CD99L2: variants seen among roughly 807,000 people sequenced by gnomAD.
The protein encoded by CD99L2 is CD99 antigen-like protein 2.
CD99L2 carries 24 observed loss-of-function variants against 27.3 expected under a neutral mutation model. The ratio of observed to expected loss-of-function variants is 0.88; its 90% CI spans 0.64 to 1.24. CD99L2 has a LOEUF of 1.24. Among genes scored for constraint, CD99L2 ranks in the 50% most tolerant of loss-of-function variants. CD99L2 has a pLI of 0.00. For missense variants in CD99L2, 255 were observed against 221.6 expected, an observed-to-expected ratio of 1.15 and a Z score of -0.96; for synonymous variants, 97 against 87.9, an observed-to-expected ratio of 1.10 and a Z score of -0.58.
At chrX:150,848,119 C>CG (rs1485067879) in intron 1 of CD99L2, among the ~76,000 whole-genome samples, 9 of 107,339 alleles carry the variant, frequency 8.4e-5, no homozygotes, top group Non-Finnish European at 1.2e-4. Context: ...AGGCCCCCCC[C>CG]CCCTTGTACT....
chrX:150,862,665 T>C (rs1557421934), intron 1 of CD99L2, among the ~76,000 whole-genome samples: 3 of 111,720 alleles, frequency 2.7e-5, no homozygotes, highest in Non-Finnish European at 1.9e-5. Context: ...TCTATGTATG[T>C]GTTAATCTGT....
chrX:150,890,411 G>C (rs1215244550), intron 1 of CD99L2, among the ~76,000 whole-genome samples: 2 of 111,663 alleles, frequency 1.8e-5, no homozygotes, highest in East Asian at 5.6e-4. Flanking sequence ...CCCGGGAGGC[G>C]GAGGTTGCAG....
chrX:150,868,551 T>C (rs1298481000), intron 1 of CD99L2, among the ~76,000 whole-genome samples: 1 of 112,087 alleles, frequency 8.9e-6, no homozygotes, highest in Non-Finnish European at 1.9e-5. Context: ...TATATTCTTG[T>C]TAACTGTAGT....
At chrX:150,878,438 T>C (rs1233636875) in intron 1 of CD99L2, among the ~76,000 whole-genome samples, 3 of 103,882 alleles carry the variant, frequency 2.9e-5, no homozygotes, top group Non-Finnish European at 5.8e-5. Flanking sequence ...TGACAAGCAA[T>C]GTGAAAAATA....
intron 4 of CD99L2, among the ~76,000 whole-genome samples, chrX:150,805,998 A>G (rs187311656): frequency 9.0e-6 from 1 of 111,729 alleles, no homozygotes; most frequent in East Asian, 2.8e-4. Context: ...ATACCCACAC[A>G]AGTGATAAAA....
chrX:150,795,110 G>T, intron 6 of CD99L2, 96 bp downstream of exon 6: 1 of 982,326 alleles, frequency 1.0e-6, no homozygotes. Context: ...GTTCTCCAGT[G>T]GCTTGAAGTG....
chrX:150,824,200 G>A lies in CD99L2; in HGVS notation c.130+7031C>T, dbSNP rs1190833563. Among the ~76,000 whole-genome samples the A allele has an allele frequency of 4.1e-3, 189 of 45,774 alleles. 14 individuals are homozygous for A. The highest frequency in any genetic ancestry group is 0.034 in the Admixed American group (113 of 3,322). 39.7% of individuals were successfully genotyped at this position (45,774 alleles called of 115,157 possible). ...AGAAGGAGGAGGAGGAAGAAGAAGAGGAGGAGGAAGAGGAGGAGGAAGAGG... is the reference window on the plus strand; with the variant it reads ...AGAAGGAGGAGGAGGAAGAAGAAGAAGAGGAGGAAGAGGAGGAGGAAGAGG... On this transcript the variant is annotated intron_variant, in intron 2 of 10. Transcript: ENST00000370377.
intron 7 of CD99L2, among the ~76,000 whole-genome samples, chrX:150,793,457 C>T (rs911221157): frequency 8.9e-6 from 1 of 112,260 alleles, no homozygotes; most frequent in Non-Finnish European, 1.9e-5. Context: ...AAACGTTAAC[C>T]TATCAGCACT....
At chrX:150,837,252 A>T (rs782419545) in intron 1 of CD99L2, among the ~76,000 whole-genome samples, 181 of 103,155 alleles carry the variant, frequency 1.8e-3, no homozygotes, top group Middle Eastern at 5.1e-3. Context: ...AAGTATTATT[A>T]TTTTTTTTTT....
chrX:150,804,978 G>A (rs951019315), intron 4 of CD99L2, among the ~76,000 whole-genome samples: 1 of 111,885 alleles, frequency 8.9e-6, no homozygotes, highest in Admixed American at 9.5e-5. Flanking sequence ...CTGAGCACAT[G>A]AGTTCGATAC....
intron 7 of CD99L2, among the ~76,000 whole-genome samples, chrX:150,782,141 C>A (rs1557419445): frequency 8.9e-6 from 1 of 112,093 alleles, no homozygotes; most frequent in Non-Finnish European, 1.9e-5. Context: ...TATAAGTGTT[C>A]TAGACTCTTC....
chrX:150,828,419 G>A (rs1557420980), intron 2 of CD99L2: 1 of 111,618 alleles, frequency 9.0e-6, no homozygotes, highest in Admixed American at 9.6e-5. Context: ...AGGAAACTGA[G>A]GTGCAGACAA....
At chrX:150,815,169 T>A (rs1557420446) in intron 3 of CD99L2, among the ~76,000 whole-genome samples, 1 of 112,190 alleles carries the variant, frequency 8.9e-6, no homozygotes, top group Non-Finnish European at 1.9e-5. Flanking sequence ...AGTTTTTCAA[T>A]TAATTTATAT....
At chrX:150,804,861 G>A in intron 4 of CD99L2, among the ~76,000 whole-genome samples, 1 of 110,407 alleles carries the variant, frequency 9.1e-6, no homozygotes, top group Admixed American at 9.6e-5. Context: ...CTCCTGGAAA[G>A]ATATAAACTA....
At chrX:150,793,326 C>T (rs1303043981) in intron 7 of CD99L2, among the ~76,000 whole-genome samples, 5 of 112,672 alleles carry the variant, frequency 4.4e-5, no homozygotes, top group African/African-American at 1.6e-4. Context: ...GATGACTTTG[C>T]TCCTCCCATC....
chrX:150,896,645 C>G (rs113725750), intron 1 of CD99L2, among the ~76,000 whole-genome samples: 1 of 112,135 alleles, frequency 8.9e-6, no homozygotes, highest in African/African-American at 3.2e-5. Flanking sequence ...AGATCTAAGC[C>G]TGGTCCCCTC....
At chrX:150,866,564 C>G (rs1557422044) in intron 1 of CD99L2, among the ~76,000 whole-genome samples, 1 of 98,589 alleles carries the variant, frequency 1.0e-5, no homozygotes, top group East Asian at 3.0e-4. Flanking sequence ...AAGACCCTGT[C>G]TCTATTAAAA....
intron 1 of CD99L2, among the ~76,000 whole-genome samples, chrX:150,842,258 GC>G (rs781887865): frequency 8.9e-6 from 1 of 112,241 alleles, no homozygotes; most frequent in Non-Finnish European, 1.9e-5. Flanking sequence ...TAAGAAAAGT[GC>G]TGTTTCCACC....
chrX:150,874,675 G>A (rs2047204455), intron 1 of CD99L2, among the ~76,000 whole-genome samples: 1 of 111,738 alleles, frequency 8.9e-6, no homozygotes, highest in African/African-American at 3.3e-5. Context: ...CTCCTCTACT[G>A]GCTTTGATGT....
Sources: allele counts gnomAD v4.1 joint callset (sites outside exome capture counted in the v4.1 genomes callset), GRCh38; gene constraint gnomAD v4.1.1; transcripts MANE v1.5; gene names NCBI Gene and HGNC (gene_info 2026-07-23, HGNC 2026-07-21).